The following PDE6B variants were observed in gnomAD, a reference collection of about 807,000 sequenced individuals.
PDE6B encodes rod cGMP-specific 3',5'-cyclic phosphodiesterase subunit beta.
A neutral mutation model predicts 109.0 loss-of-function variants in PDE6B; 106 were observed. The observed-to-expected ratio is 0.97, with a 90% CI of 0.83 to 1.14. PDE6B has a LOEUF of 1.14. Ranked by LOEUF, PDE6B falls within the 50% of genes most tolerant of loss-of-function variation. PDE6B has a pLI of 0.00. For synonymous variants in PDE6B, 490 were observed against 471.3 expected (o/e 1.04, Z -0.51); for missense variants, 1,193 against 1,155.6 (o/e 1.03, Z -0.47).
rs1352528979 is a variant in PDE6B at position 663,645 on chromosome 4, G to A, written c.1921-125G>A. ...GAGCAGCAGGCGGATTAGGGGTCCC[G>A]CCCACCGAGGGCCCGAGGGCGGGGG... On this transcript the variant is annotated intron_variant, in intron 15 of 21. Coordinates refer to ENST00000496514, the MANE Select transcript of PDE6B (RefSeq NM_000283.4). This position sits in a 1 kb window ranked among gnomAD's most constrained non-coding sequence, Gnocchi z 4.0. 10 of 734,956 alleles carry A rather than the reference G, an allele frequency of 1.4e-5. No homozygotes were observed. Among genetic ancestry groups the A allele is most frequent in the Middle Eastern group, 2.4e-4 (1 of 4,096 alleles). 45.5% of individuals were successfully genotyped at this position (734,956 alleles called of 1,614,324 possible).
chr4:656,872 A>C lies in PDE6B; in HGVS notation c.1108-2A>C. 1 of 1,612,662 alleles carries C rather than the reference A, an allele frequency of 6.2e-7. No homozygotes were observed. Among genetic ancestry groups the C allele is most frequent in the Non-Finnish European group, 8.5e-7 (1 of 1,179,864 alleles). ...GCTCAGCTCTGGACACCGCTCCCGC[A>C]GGAAGGGGCCCTGGACGACTCCGGG... On this transcript the variant is annotated splice_acceptor_variant, in intron 8 of 21. Transcript: ENST00000496514. LOFTEE classifies it high-confidence loss of function.
At position 655,980 on chromosome 4, in the gene PDE6B, C is replaced by T. The variant is rs779403316; in HGVS notation, c.1033C>T (p.Pro345Ser). Residue 345 changes from proline (P) to serine (S), a missense_variant, in exon 7 of 22, where the codon CCA becomes TCA. Physicochemically the swap from Pro to Ser is moderately conservative, Grantham distance 74. Coordinates refer to ENST00000496514, the MANE Select transcript of PDE6B (RefSeq NM_000283.4). ...TCACTGGGCCCTGGCCAGCGGCCTTCCAAGCTACGTGGCAGAAAGCGGCTT... is the reference window on the plus strand; with the variant it reads ...TCACTGGGCCCTGGCCAGCGGCCTTTCAAGCTACGTGGCAGAAAGCGGCTT... ...ADHWALASGL[P>S]SYVAESGFIC... 6.2e-7 allele frequency: 1 copy of T among 1,610,752 alleles called. No individual in the cohort carries two copies. Among genetic ancestry groups the T allele is most frequent in the South Asian group, 1.1e-5 (1 of 91,024 alleles).
chr4:654,310 C>G, intron 5 of PDE6B, 156 bp downstream of exon 5: 1 of 728,948 alleles, frequency 1.4e-6, no homozygotes, highest in Non-Finnish European at 2.4e-6. Context: ...CCACCAGGCT[C>G]CCCTGCTGCT....
rs145756948 is a variant in PDE6B, at chr4:654,153, G to A, written c.926G>A (p.Arg309Gln). Reference protein sequence around the residue: ...PYSGPRTPDGREIVFYKVIDY... With the variant: ...PYSGPRTPDGQEIVFYKVIDY... ...TCGGGCCCACGCACGCCTGATGGCC[G>A]GGTGAGTCTTAGGGGAGGGGCCCAG... is the stretch of plus-strand genomic sequence containing the variant. Residue 309 changes from arginine (R) to glutamine (Q), a missense_variant and splice_region_variant, in exon 5 of 22, where the codon CGG becomes CAG. Arg to Gln is a conservative substitution (Grantham distance 43). Transcript: ENST00000496514. The A allele has an allele frequency of 2.8e-5, 45 of 1,612,908 alleles. No individual in the cohort carries two copies. Among genetic ancestry groups the A allele is most frequent in the African/African-American group, 2.1e-4 (16 of 75,044 alleles).
rs921170968 is a variant in PDE6B at position 625,935 on chromosome 4, G to A, written c.309G>A (p.Val103=). Residue 103 remains valine, a synonymous_variant, in exon 1 of 22, where the codon GTG becomes GTA. Transcript: ENST00000496514. This position sits in a 1 kb window ranked among gnomAD's most constrained non-coding sequence, Gnocchi z 5.0. ...SLFMYRQRNG[V]AELATRLFSV... Reference sequence around the variant, plus strand: ...TCATGTACCGCCAGCGCAACGGCGTGGCCGAGCTGGCCACCAGGCTTTTCA... The same window carrying A: ...TCATGTACCGCCAGCGCAACGGCGTAGCCGAGCTGGCCACCAGGCTTTTCA... The A allele has an allele frequency of 3.1e-6, 5 of 1,591,958 alleles. No homozygotes were observed. Among genetic ancestry groups the A allele is most frequent in the Non-Finnish European group, 3.4e-6 (4 of 1,169,568 alleles).
At chr4:650,192 G>A (rs1379977662) in intron 3 of PDE6B, among the ~76,000 whole-genome samples, 1 of 152,214 alleles carries the variant, frequency 6.6e-6, no homozygotes, top group Admixed American at 6.5e-5. Flanking sequence ...AAAACTCCAG[G>A]GCGGGCCTCC....
rs1450006306 is a variant in PDE6B at position 664,929 on chromosome 4, G to A, written c.2178G>A (p.Trp726Ter). 6.2e-7 allele frequency: 1 copy of A among 1,613,100 alleles called. No homozygotes were observed. The highest frequency in any genetic ancestry group is 1.7e-5 in the Admixed American group (1 of 60,032). ...ACCTGTCTGCCATCACCAAGCCCTG[G>A]GAAGTCCAGAGCAAGGTTAGAACAG... The part of the protein sequence containing the change: ...ACDLSAITKP[W>*]EVQSKVALLV... The change falls in exon 18 of 22, where the codon TGG (tryptophan) becomes TGA (stop). Residue 726 changes from tryptophan (W) to a stop codon, truncating the protein, a stop_gained. Coordinates refer to ENST00000496514, the MANE Select transcript of PDE6B (RefSeq NM_000283.4). LOFTEE classifies it high-confidence loss of function.
Position 636,083 on chromosome 4 carries a change from C to T in PDE6B, c.711+114C>T. The T allele has an allele frequency of 1.4e-6, 1 of 722,756 alleles. No individual in the cohort carries two copies. Among genetic ancestry groups the T allele is most frequent in the East Asian group, 2.5e-5 (1 of 39,272 alleles). The allele number at this position is 722,756 out of a possible 1,614,324, so 44.8% of individuals were successfully genotyped here. ...TGGTCTTGTGCTCACCTGGGTAGGT[C>T]CTGGGGTGGGCATTGCTCAGGGGAG... On this transcript the variant is annotated intron_variant, in intron 3 of 21. Coordinates refer to ENST00000496514, the MANE Select transcript of PDE6B (RefSeq NM_000283.4). This position sits in a 1 kb window ranked among gnomAD's most constrained non-coding sequence, Gnocchi z 4.5.
At position 646,110 on chromosome 4, in the gene PDE6B, T is replaced by C. The variant is rs1577257703; in HGVS notation, c.712-7742T>C. On this transcript the variant is annotated intron_variant, in intron 3 of 21. Transcript: ENST00000496514. Reference sequence around the variant, plus strand: ...TTTTCACGCATATGCAAGTTTCTGATCTATCTCATTCTTCCTGTTTCCAAG... The same window carrying C: ...TTTTCACGCATATGCAAGTTTCTGACCTATCTCATTCTTCCTGTTTCCAAG... 3.3e-5 allele frequency among the ~76,000 whole-genome samples: 5 copies of C among 152,206 alleles called. No individual in the cohort carries two copies. The East Asian group carries it at 9.6e-4, about 29-fold the overall frequency.
rs757388131 is a variant in PDE6B at position 656,936 on chromosome 4, CAAG to C, written c.1174_1176del (p.Lys392del). 33 of 1,613,052 alleles carry C rather than the reference CAAG, an allele frequency of 2.0e-5. No homozygotes were observed. The highest frequency in any genetic ancestry group is 1.8e-4 in the East Asian group (8 of 44,882). ...ATGTGCTGTCCATGCCCATCGTCAA[CAAG>C]AAGGAGGAGATTGTGGGAGTCGCCA... On this transcript the variant is annotated inframe_deletion, in exon 9 of 22. Transcript: ENST00000496514.
chr4:660,634 C>A, intron 12 of PDE6B, 21 bp downstream of exon 12: 1 of 1,611,594 alleles, frequency 6.2e-7, no homozygotes, highest in Non-Finnish European at 8.5e-7. Context: ...CCGCAGGGCG[C>A]ATAGTCAGGT....
At chr4:659,704 G>A (rs1366552576) in intron 11 of PDE6B, among the ~76,000 whole-genome samples, 1 of 151,774 alleles carries the variant, frequency 6.6e-6, no homozygotes, top group East Asian at 1.9e-4. Flanking sequence ...GCGTTTGTGT[G>A]TGTGTGCCCG....
chr4:664,138 C>A lies in PDE6B; in HGVS notation c.2046C>A (p.Ile682=). ...GGAAGAGAGCGATGTTTCAGAAGAT[C>A]GTGGATGAGTCCAAGAACTACCAGG... is the stretch of plus-strand genomic sequence containing the variant. The part of the protein sequence containing the change: ...YFKKRAMFQK[I]VDESKNYQDK... The change falls in exon 17 of 22, where the codon ATC becomes ATA. Residue 682 remains isoleucine (I), a synonymous_variant. Transcript: ENST00000496514. The A allele has an allele frequency of 6.2e-7, 1 of 1,610,506 alleles. No homozygotes were observed. The highest frequency in any genetic ancestry group is 8.5e-7 in the Non-Finnish European group (1 of 1,176,964).
In PDE6B at chr4:670,157, G is replaced by A. The variant is rs1028664959; in HGVS notation, c.*50G>A. On this transcript the variant is annotated 3_prime_UTR_variant, in exon 22 of 22. Coordinates refer to ENST00000496514, the MANE Select transcript of PDE6B (RefSeq NM_000283.4). The stretch of plus-strand genomic sequence containing the variant: ...GGCTCCCTCAATCTTCACCCACTAG[G>A]ATTTGGGTTCTGCCTGTGGCTATTT... 6.2e-7 allele frequency: 1 copy of A among 1,610,558 alleles called. No homozygotes were observed. The highest frequency in any genetic ancestry group is 8.5e-7 in the Non-Finnish European group (1 of 1,177,760).
intron 3 of PDE6B, among the ~76,000 whole-genome samples, chr4:642,653 A>AGGTGTGGT (rs1240945474): frequency 6.9e-6 from 1 of 144,346 alleles, no homozygotes; most frequent in Non-Finnish European, 1.5e-5. Context: ...AAAGTTAGCC[A>AGGTGTGGT]GGTGTGGTGG....
rs369914848 is a variant in PDE6B at position 669,699 on chromosome 4, G to A, written c.2504-347G>A. Among the ~76,000 whole-genome samples the A allele has an allele frequency of 1.2e-3, 56 of 45,868 alleles. 1 individual carries two copies. The highest frequency in any genetic ancestry group is 2.1e-3 in the African/African-American group (15 of 7,248). 30.1% of individuals were successfully genotyped at this position (45,868 alleles called of 152,430 possible). ...ATTCCCGCTACCCCATGCTATTCCCGCTACCCCATGCTATTCCCGCTACCC... is the reference window on the plus strand; with the variant it reads ...ATTCCCGCTACCCCATGCTATTCCCACTACCCCATGCTATTCCCGCTACCC... On this transcript the variant is annotated intron_variant, in intron 21 of 21. Coordinates refer to ENST00000496514, the MANE Select transcript of PDE6B (RefSeq NM_000283.4).
In PDE6B at chr4:626,237, A is replaced by T; in HGVS notation, c.468+143A>T. 1.6e-6 allele frequency: 1 copy of T among 623,298 alleles called. No individual in the cohort carries two copies. Among genetic ancestry groups the T allele is most frequent in the Non-Finnish European group, 2.8e-6 (1 of 352,104 alleles). 38.6% of individuals were successfully genotyped at this position (623,298 alleles called of 1,614,324 possible). A position where few individuals can be genotyped will look rare whatever the true frequency, so the allele number is the denominator to read the frequency against. On this transcript the variant is annotated intron_variant, in intron 1 of 21. Transcript: ENST00000496514. The surrounding 1 kb of genome is among the most constrained non-coding windows in gnomAD (Gnocchi z 4.6). ...GCTAGTTCTGTGCTGAGGAGCAAGTACCTAGAGCCCCCTCCCGGCACTGTG... is the reference window on the plus strand; with the variant it reads ...GCTAGTTCTGTGCTGAGGAGCAAGTTCCTAGAGCCCCCTCCCGGCACTGTG...
Position 653,886 on chromosome 4 carries a change from A to T in PDE6B, c.746A>T (p.Glu249Val). 1 of 1,613,814 alleles carries T rather than the reference A, an allele frequency of 6.2e-7. No individual in the cohort carries two copies. The highest frequency in any genetic ancestry group is 8.5e-7 in the Non-Finnish European group (1 of 1,180,010). Residue 249 changes from glutamate to valine, a missense_variant, in exon 4 of 22, where the codon GAG (glutamate) becomes GTG (valine). By Grantham distance (121) the Glu-to-Val change is moderately radical. Transcript: ENST00000496514. ...TGGTCGGCCAACAAGGTGTTTGAGG[A>T]GCTGACGGACATCGAGAGGCAGTTC... is the stretch of plus-strand genomic sequence containing the variant. The part of the protein sequence containing the change: ...LLWSANKVFE[E>V]LTDIERQFHK...
rs1736415646 is a variant in PDE6B, at chr4:657,427, A to G, written c.1334A>G (p.Lys445Arg). ...AAGATGAACAAGCTGGAGAACCGCA[A>G]GGACATCGCACAGGACATGGTCCTT... Reference protein sequence around the residue: ...YDKMNKLENRKDIAQDMVLYH... With the variant: ...YDKMNKLENRRDIAQDMVLYH... Residue 445 changes from lysine to arginine, a missense_variant, in exon 10 of 22, where the codon AAG (lysine) becomes AGG (arginine). Physicochemically the swap from Lys to Arg is conservative, Grantham distance 26. Coordinates refer to ENST00000496514, the MANE Select transcript of PDE6B (RefSeq NM_000283.4). The G allele has an allele frequency of 2.5e-6, 4 of 1,613,164 alleles. No individual in the cohort carries two copies. In the South Asian group the frequency reaches 4.4e-5, roughly 18 times the overall value.
Sources: allele counts gnomAD v4.1 joint callset (sites outside exome capture counted in the v4.1 genomes callset), GRCh38; gene constraint gnomAD v4.1.1; non-coding constraint Gnocchi (gnomAD v3.1); transcripts MANE v1.5; gene names NCBI Gene and HGNC (gene_info 2026-07-23, HGNC 2026-07-21).